Variants in C16orf87 observed in about 807,000 individuals in gnomAD.
The protein encoded by C16orf87 is HDAC and MIER1 interacting protein 1.
C16orf87 carries 13 observed loss-of-function variants against 21.0 expected under a neutral mutation model. That is an observed-to-expected ratio of 0.62 (90% CI 0.40 to 0.98). The LOEUF (loss-of-function observed/expected upper bound fraction) is 0.98. Among genes scored for constraint, C16orf87 ranks in the 50% least tolerant of loss-of-function variants. The pLI is 0.00. For missense variants in C16orf87, 113 were observed against 180.4 expected, an observed-to-expected ratio of 0.63 and a Z score of 2.14; for synonymous variants, 49 against 60.2, an observed-to-expected ratio of 0.81 and a Z score of 0.86.
intron 2 of C16orf87, among the ~76,000 whole-genome samples, chr16:46,814,604 A>C (rs1219982624): frequency 6.6e-6 from 1 of 152,204 alleles, no homozygotes; most frequent in Non-Finnish European, 1.5e-5. Context: ...TTTTGTCAAA[A>C]CAGACGTTTA....
intron 2 of C16orf87, among the ~76,000 whole-genome samples, chr16:46,817,638 A>G (rs186487890): frequency 1.4e-4 from 22 of 152,180 alleles, no homozygotes; most frequent in Admixed American, 2.6e-4. Context: ...CAGTAAGCCG[A>G]TATCAGGCCA....
intron 3 of C16orf87, among the ~76,000 whole-genome samples, chr16:46,809,280 C>A (rs1290381346): frequency 6.7e-6 from 1 of 150,262 alleles, no homozygotes; most frequent in African/African-American, 2.5e-5. Context: ...GAACAACACG[C>A]TGTCTCAAAA....
At chr16:46,812,092 A>C (rs1031713029) in intron 2 of C16orf87, among the ~76,000 whole-genome samples, 1 of 152,160 alleles carries the variant, frequency 6.6e-6, no homozygotes, top group African/African-American at 2.4e-5. Context: ...GAAAATATAC[A>C]AATTAGCCAG....
rs918575132 is a variant in C16orf87, at chr16:46,798,943, C to T, written c.*4009G>A. ...GGGTATTTTTTCAAGCCCACAACAA[C>T]AACAAAGTTATTTAATGCTTAATGA... On this transcript the variant is annotated 3_prime_UTR_variant, in exon 4 of 4. Transcript: ENST00000285697. The T allele has an allele frequency of 3.9e-5, 6 of 152,230 alleles. No homozygotes were observed. The highest frequency in any genetic ancestry group is 1.2e-4 in the African/African-American group (5 of 41,536). The allele number at this position is 152,230 out of a possible 1,614,324, so 9.4% of individuals were successfully genotyped here. A position where few individuals can be genotyped will look rare whatever the true frequency, so the allele number is the denominator to read the frequency against.
rs1167933020 is a variant in C16orf87, at chr16:46,802,423, TAC to T, written c.*527_*528del. 3.9e-5 allele frequency: 6 copies of T among 152,594 alleles called. No individual in the cohort carries two copies. The highest frequency in any genetic ancestry group is 9.7e-5 in the African/African-American group (4 of 41,450). 9.5% of individuals were successfully genotyped at this position (152,594 alleles called of 1,614,324 possible). ...AAAAAAATCAATTTAAGACAAAATT[TAC>T]AGTTTATATTCTTAATTCCCCATTC... is the stretch of plus-strand genomic sequence containing the variant. On this transcript the variant is annotated 3_prime_UTR_variant, in exon 4 of 4. Transcript: ENST00000285697.
rs142500112 is a variant in C16orf87, at chr16:46,797,900, A to G, written c.*5052T>C. ...TGAAAAAAACTCTAAATATTTGAAA[A>G]TTATAGTAATACCAAGAAAAATCAG... is the stretch of plus-strand genomic sequence containing the variant. On this transcript the variant is annotated 3_prime_UTR_variant, in exon 4 of 4. Coordinates refer to ENST00000285697, the MANE Select transcript of C16orf87 (RefSeq NM_001001436.4). 20 of 152,300 alleles carry G rather than the reference A, an allele frequency of 1.3e-4. No individual in the cohort carries two copies. Among genetic ancestry groups the G allele is most frequent in the Non-Finnish European group, 1.8e-4 (12 of 68,020 alleles). The allele number at this position is 152,300 out of a possible 1,614,324, so 9.4% of individuals were successfully genotyped here. A position where few individuals can be genotyped will look rare whatever the true frequency, so the allele number is the denominator to read the frequency against.
At chr16:46,820,025 T>C (rs776026243) in intron 2 of C16orf87, among the ~76,000 whole-genome samples, 3 of 152,218 alleles carry the variant, frequency 2.0e-5, no homozygotes, top group African/African-American at 4.8e-5. Context: ...AGATTTTATA[T>C]ATACATATTT....
intron 3 of C16orf87, among the ~76,000 whole-genome samples, chr16:46,803,348 G>C (rs1045130978): frequency 6.6e-6 from 1 of 152,100 alleles, no homozygotes; most frequent in Non-Finnish European, 1.5e-5. Context: ...TCTCCTCACT[G>C]TCTCAATCAA....
chr16:46,813,662 C>T (rs1335933272), intron 2 of C16orf87, among the ~76,000 whole-genome samples: 7 of 152,072 alleles, frequency 4.6e-5, no homozygotes, highest in Non-Finnish European at 1.0e-4. Context: ...TCCAGACGTG[C>T]CTTTCTTTTA....
At chr16:46,810,669 A>G (rs2143081678) in intron 2 of C16orf87, among the ~76,000 whole-genome samples, 1 of 152,326 alleles carries the variant, frequency 6.6e-6, no homozygotes, top group African/African-American at 2.4e-5. Flanking sequence ...GACTGCTGTA[A>G]AAAAATTAAA....
rs773116283 is a variant in C16orf87, at chr16:46,802,929, T to G, written c.*23A>C. ...TGCTGATGTTATCCTGACAGAAGTT[T>G]CAGCAGATTTTGCAAACAAGTATCA... is the stretch of plus-strand genomic sequence containing the variant. On this transcript the variant is annotated 3_prime_UTR_variant, in exon 4 of 4. Transcript: ENST00000285697. 2.7e-6 allele frequency: 3 copies of G among 1,124,950 alleles called. No homozygotes were observed. The South Asian group carries it at 3.8e-5, about 14-fold the overall frequency. 69.7% of individuals were successfully genotyped at this position (1,124,950 alleles called of 1,614,324 possible). A position where few individuals can be genotyped will look rare whatever the true frequency, so the allele number is the denominator to read the frequency against.
Position 46,809,603 on chromosome 16 carries a change from C to T in C16orf87, c.346G>A (p.Glu116Lys). Residue 116 changes from glutamate to lysine, a missense_variant and splice_region_variant, in exon 3 of 4, where the codon GAG (glutamate) becomes AAG (lysine). Physicochemically the swap from Glu to Lys is moderately conservative, Grantham distance 56. Transcript: ENST00000285697. Reference sequence around the variant, plus strand: ...AAAAAACTGCTTGATTTGTTCATACCTCTTTCTTCCTCATGTTTTTTGGCA... The same window carrying T: ...AAAAAACTGCTTGATTTGTTCATACTTCTTTCTTCCTCATGTTTTTTGGCA... The part of the protein sequence containing the change: ...ASAKKHEEER[E>K]KQEKEIDIYA... 1.3e-6 allele frequency: 2 copies of T among 1,596,212 alleles called. No homozygotes were observed. The highest frequency in any genetic ancestry group is 1.7e-5 in the Admixed American group (1 of 57,342).
intron 1 of C16orf87, among the ~76,000 whole-genome samples, chr16:46,830,308 G>GAGAGAGAGAGAGAGAC (rs1555479576): frequency 8.7e-5 from 2 of 23,060 alleles, no homozygotes; most frequent in East Asian, 1.9e-3. Flanking sequence ...GAGAGAGAGA[G>GAGAGAGAGAGAGAGAC]ACACACAGAG....
intron 1 of C16orf87, among the ~76,000 whole-genome samples, chr16:46,829,319 G>T (rs1160769313): frequency 6.6e-6 from 1 of 152,076 alleles, no homozygotes; most frequent in Non-Finnish European, 1.5e-5. Flanking sequence ...GGGGGAGGGG[G>T]TGTATAACAA....
chr16:46,824,681 TTTGAGACGGAGTCTCAC>T (rs935931224), intron 1 of C16orf87, among the ~76,000 whole-genome samples, 199 bp from the exon 2 acceptor site: 11 of 151,136 alleles, frequency 7.3e-5, no homozygotes, highest in South Asian at 2.1e-4. Context: ...TTTTTTTTTT[TTTGAGACGGAGTCTCAC>T]TCTGTCACCC....
Position 46,809,630 on chromosome 16 carries a change from A to G in C16orf87, c.319T>C (p.Ser107Pro). 6.2e-7 allele frequency: 1 copy of G among 1,608,550 alleles called. No individual in the cohort carries two copies. The highest frequency in any genetic ancestry group is 1.1e-5 in the South Asian group (1 of 89,650). The change falls in exon 3 of 4, where the codon TCT (serine) becomes CCT (proline). Residue 107 changes from serine (S) to proline (P), a missense_variant. Ser to Pro is a moderately conservative substitution (Grantham distance 74). Coordinates refer to ENST00000285697, the MANE Select transcript of C16orf87 (RefSeq NM_001001436.4). ...RRGRGRPKSA[S>P]AKKHEEEREK... ...CTTTCTTCCTCATGTTTTTTGGCAG[A>G]TGCACTTTTAGGTCTTCCTCTTCCT...
intron 2 of C16orf87, among the ~76,000 whole-genome samples, chr16:46,818,586 GA>G (rs1228561367): frequency 6.6e-6 from 1 of 151,884 alleles, no homozygotes; most frequent in African/African-American, 2.4e-5. Context: ...TCCTTTACAG[GA>G]AATTCTAAAT....
At chr16:46,812,894 A>G (rs2143095114) in intron 2 of C16orf87, among the ~76,000 whole-genome samples, 1 of 152,272 alleles carries the variant, frequency 6.6e-6, no homozygotes, top group East Asian at 1.9e-4. Context: ...AAAATTCAAC[A>G]AAGATGACTA....
chr16:46,826,797 A>G (rs971845466), intron 1 of C16orf87, among the ~76,000 whole-genome samples: 1 of 152,208 alleles, frequency 6.6e-6, no homozygotes, highest in African/African-American at 2.4e-5. Flanking sequence ...CTTTACACCT[A>G]AACATATTAT....
Sources: allele counts gnomAD v4.1 joint callset (sites outside exome capture counted in the v4.1 genomes callset), GRCh38; gene constraint gnomAD v4.1.1; transcripts MANE v1.5; gene names NCBI Gene and HGNC (gene_info 2026-07-23, HGNC 2026-07-21).